The following SLC16A7 variants were observed in gnomAD, a reference collection of about 807,000 sequenced individuals.
SLC16A7 encodes the protein solute carrier family 16 member 7.
SLC16A7 carries 33 observed loss-of-function variants against 34.9 expected under a neutral mutation model. That is an observed-to-expected ratio of 0.94 (90% CI 0.72 to 1.26). The LOEUF is 1.26. Ranked by LOEUF, SLC16A7 falls within the 50% of genes most tolerant of loss-of-function variation. The probability of loss-of-function intolerance (pLI) is 0.00; values close to 1 mark genes in which losing one functional copy is unlikely to be tolerated. For synonymous variants in SLC16A7, 201 were observed against 206.6 expected (o/e 0.97, Z 0.23); for missense variants, 573 against 578.1 (o/e 0.99, Z 0.09).
chr12:59,656,980 G>A (rs1375727995), intron 2 of SLC16A7, among the ~76,000 whole-genome samples: 2 of 151,956 alleles, frequency 1.3e-5, no homozygotes, highest in East Asian at 1.9e-4. Context: ...TGTAAAATGA[G>A]GACAATACAA....
chr12:59,731,115 G>C (rs1876902387), intron 3 of SLC16A7, among the ~76,000 whole-genome samples: 1 of 152,018 alleles, frequency 6.6e-6, no homozygotes, highest in Non-Finnish European at 1.5e-5. Context: ...ATTGTATACT[G>C]CTAATAAAAT....
At chr12:59,721,525 GA>G (rs1238074991) in intron 3 of SLC16A7, among the ~76,000 whole-genome samples, 2 of 151,632 alleles carry the variant, frequency 1.3e-5, no homozygotes, top group Non-Finnish European at 2.9e-5. Flanking sequence ...TCCAACTTGG[GA>G]AAAAAACAAA....
At chr12:59,689,794 G>A (rs545479911) in intron 2 of SLC16A7, among the ~76,000 whole-genome samples, 7 of 152,080 alleles carry the variant, frequency 4.6e-5, no homozygotes, top group African/African-American at 1.4e-4. Context: ...CAAAATGGAG[G>A]ATCCAAAATC....
intron 3 of SLC16A7, among the ~76,000 whole-genome samples, chr12:59,735,531 T>C (rs994229382): frequency 1.3e-5 from 2 of 152,212 alleles, no homozygotes; most frequent in African/African-American, 4.8e-5. Flanking sequence ...TGGTAGGTTT[T>C]ATTTCTTGAT....
rs149224067 is a variant in SLC16A7 at position 59,736,507 on chromosome 12, G to A, written c.217+31489G>A. ...TCACTTTGGTCAGGCATCACTCCAAGGCTGGATTGGTTCAGGAGGCTACAC... is the reference window on the plus strand; with the variant it reads ...TCACTTTGGTCAGGCATCACTCCAAAGCTGGATTGGTTCAGGAGGCTACAC... On this transcript the variant is annotated intron_variant, in intron 3 of 5. Transcript: ENST00000547379. Among the ~76,000 whole-genome samples the A allele has an allele frequency of 3.3e-4, 50 of 152,268 alleles. No individual in the cohort carries two copies. In the East Asian group the frequency reaches 9.7e-3, roughly 29 times the overall value.
intron 3 of SLC16A7, among the ~76,000 whole-genome samples, chr12:59,705,397 A>T (rs1392559430): frequency 6.6e-6 from 1 of 152,180 alleles, no homozygotes; most frequent in Non-Finnish European, 1.5e-5. Flanking sequence ...ATGAGAAGAA[A>T]ATTTAAGTTG....
intron 3 of SLC16A7, among the ~76,000 whole-genome samples, chr12:59,754,058 T>A (rs142934729): frequency 1.3e-5 from 2 of 151,846 alleles, no homozygotes; most frequent in African/African-American, 4.8e-5. Flanking sequence ...TTGAAACCAA[T>A]GAGAACAAAG....
At position 59,771,286 on chromosome 12, in the gene SLC16A7, A is replaced by T. The variant is rs887454154; in HGVS notation, c.285A>T (p.Leu95Phe). The T allele has an allele frequency of 2.5e-5, 41 of 1,613,402 alleles. No individual in the cohort carries two copies. Among genetic ancestry groups the T allele is most frequent in the Non-Finnish European group, 3.4e-5 (40 of 1,179,614 alleles). ...CGGTGGTGATAGCAGGAGGCTTATT[A>T]TGCTGTCTTGGAATGGTGTTGGCCT... ...SRPVVIAGGL[L>F]CCLGMVLASF... The change falls in exon 4 of 6, where the codon TTA becomes TTT. Residue 95 changes from leucine to phenylalanine, a missense_variant. Coordinates refer to ENST00000547379, the MANE Select transcript of SLC16A7 (RefSeq NM_001270623.2).
chr12:59,675,320 T>G (rs1286359294), intron 2 of SLC16A7, among the ~76,000 whole-genome samples: 2 of 152,226 alleles, frequency 1.3e-5, no homozygotes, highest in African/African-American at 4.8e-5. Flanking sequence ...TAAGTCGTGA[T>G]GGTAGCATCT....
intron 3 of SLC16A7, among the ~76,000 whole-genome samples, chr12:59,708,263 T>A (rs1873815514): frequency 1.3e-5 from 2 of 152,062 alleles, no homozygotes; most frequent in African/African-American, 2.4e-5. Flanking sequence ...AGCTTCTGAG[T>A]CATGAGTCTT....
At chr12:59,660,491 A>T (rs916644506) in intron 2 of SLC16A7, among the ~76,000 whole-genome samples, 1 of 151,862 alleles carries the variant, frequency 6.6e-6, no homozygotes, top group Non-Finnish European at 1.5e-5. Context: ...ACTTTTATTT[A>T]AAATAACTTA....
At chr12:59,665,068 A>T (rs1869082753) in intron 2 of SLC16A7, 1 of 152,158 alleles carries the variant, frequency 6.6e-6, no homozygotes, top group African/African-American at 2.4e-5. Context: ...ACAATGAGAA[A>T]CTTTATATAT....
At chr12:59,669,202 A>T (rs1869462077) in intron 2 of SLC16A7, among the ~76,000 whole-genome samples, 1 of 152,214 alleles carries the variant, frequency 6.6e-6, no homozygotes. Flanking sequence ...ATTCAAGAAA[A>T]TTTAAAGTAT....
chr12:59,720,025 CTT>C, intron 3 of SLC16A7: 1 of 677,680 alleles, frequency 1.5e-6, no homozygotes, highest in South Asian at 1.6e-5. Context: ...TTTTTGTAAA[CTT>C]TTCTGGAATA....
At chr12:59,672,212 A>G (rs553872156) in intron 2 of SLC16A7, among the ~76,000 whole-genome samples, 6 of 45,296 alleles carry the variant, frequency 1.3e-4, no homozygotes, top group African/African-American at 3.5e-4. Flanking sequence ...ATATATACGT[A>G]TATATATGTG....
intron 1 of SLC16A7, among the ~76,000 whole-genome samples, chr12:59,616,847 T>G (rs1879476228): frequency 3.3e-5 from 5 of 152,190 alleles, no homozygotes; most frequent in Admixed American, 3.3e-4. Context: ...TTACTAGAAC[T>G]TATTTCTATT....
intron 1 of SLC16A7, among the ~76,000 whole-genome samples, chr12:59,632,980 T>C (rs1880250219): frequency 1.3e-5 from 2 of 151,922 alleles, no homozygotes; most frequent in African/African-American, 4.8e-5. Flanking sequence ...TACCAAAAGG[T>C]GAGGTATCTA....
At chr12:59,691,225 G>T (rs879631040) in intron 2 of SLC16A7, among the ~76,000 whole-genome samples, 18 of 151,906 alleles carry the variant, frequency 1.2e-4, no homozygotes, top group Non-Finnish European at 2.2e-4. Flanking sequence ...AATATACATA[G>T]AAAGTTTATT....
At position 59,775,153 on chromosome 12, in the gene SLC16A7, A is replaced by C; in HGVS notation, c.858A>C (p.Leu286=). ...ATGAGTACTCGGCAGCTTTTCTGCT[A>C]TCTGTTATGGCTTTCGTTGATATGT... ...GIDEYSAAFL[L]SVMAFVDMFA... Residue 286 remains leucine (L), a synonymous_variant, in exon 5 of 6, where the codon CTA becomes CTC. Transcript: ENST00000547379. 2 of 1,614,078 alleles carry C rather than the reference A, an allele frequency of 1.2e-6. No homozygotes were observed. Among genetic ancestry groups the C allele is most frequent in the Non-Finnish European group, 1.7e-6 (2 of 1,179,994 alleles).
Sources: gnomAD v4.1 joint callset for allele counts (sites outside exome capture counted in the v4.1 genomes callset) on GRCh38, gnomAD v4.1.1 for gene constraint, MANE v1.5 for transcripts, NCBI Gene and HGNC (gene_info 2026-07-23, HGNC 2026-07-21) for gene names.